The following ATP8A2 variants were observed in gnomAD, a reference collection of about 807,000 sequenced individuals.
The protein encoded by ATP8A2 is phospholipid-transporting ATPase IB.
ATP8A2 carries 100 observed loss-of-function variants against 165.6 expected under a neutral mutation model. That is an observed-to-expected ratio of 0.60 (90% CI 0.51 to 0.71). ATP8A2 has a LOEUF of 0.71. Ranked by LOEUF, ATP8A2 falls within the 30% of genes least tolerant of loss-of-function variation. The probability of loss-of-function intolerance (pLI) is 0.00; values close to 1 mark genes in which losing one functional copy is unlikely to be tolerated. For missense variants in ATP8A2, 1,227 were observed against 1,479.5 expected, an observed-to-expected ratio of 0.83 and a Z score of 2.80; for synonymous variants, 543 against 548.8, an observed-to-expected ratio of 0.99 and a Z score of 0.15.
Position 25,503,393 on chromosome 13 carries a change from T to A in ATP8A2, c.222-26606T>A, listed in dbSNP as rs145015128. On this transcript the variant is annotated intron_variant, in intron 2 of 36. Coordinates refer to ENST00000381655, the MANE Select transcript of ATP8A2 (RefSeq NM_016529.6). ...AAAGGGTGGTCGGCATGCTGACAAG[T>A]AATGACACCATGAAGCAGCGTTCAT... 1.6e-3 allele frequency among the ~76,000 whole-genome samples: 243 copies of A among 152,226 alleles called. 1 individual carries two copies. Among genetic ancestry groups the A allele is most frequent in the Non-Finnish European group, 2.8e-3 (192 of 67,998 alleles).
At chr13:25,755,489 G>A (rs965620680) in intron 25 of ATP8A2, among the ~76,000 whole-genome samples, 3 of 152,250 alleles carry the variant, frequency 2.0e-5, no homozygotes, top group South Asian at 2.1e-4. Flanking sequence ...GAATGTAGGG[G>A]CAATTTAAAA....
intron 33 of ATP8A2, among the ~76,000 whole-genome samples, chr13:25,906,137 C>G (rs1953929416): frequency 6.6e-6 from 1 of 152,084 alleles, no homozygotes; most frequent in South Asian, 2.1e-4. Context: ...AGATTTCTAT[C>G]TTTTTGTCAT....
intron 24 of ATP8A2, among the ~76,000 whole-genome samples, chr13:25,642,884 TA>T (rs35986221): frequency 1.3e-3 from 201 of 152,192 alleles, no homozygotes; most frequent in African/African-American, 4.5e-3. Flanking sequence ...TATGCAGCCA[TA>T]AAAAAGGGTG....
chr13:25,650,576 C>T (rs2041788374), intron 24 of ATP8A2, among the ~76,000 whole-genome samples: 1 of 152,088 alleles, frequency 6.6e-6, no homozygotes. Flanking sequence ...AGTGTTGGGG[C>T]CAAACAGAAG....
intron 25 of ATP8A2, among the ~76,000 whole-genome samples, chr13:25,722,660 G>GTTAA (rs10643028): frequency 0.1 from 15,629 of 152,074 alleles, 942 homozygotes; most frequent in African/African-American, 0.17. Flanking sequence ...CTGTATGTTA[G>GTTAA]TTGTCTATTT....
rs541821643 is a variant in ATP8A2, at chr13:25,586,607, A to C, written c.2147-3028A>C. On this transcript the variant is annotated intron_variant, in intron 23 of 36. Coordinates refer to ENST00000381655, the MANE Select transcript of ATP8A2 (RefSeq NM_016529.6). ...GTCTGCCAGTGTTTTTCATACAGGC[A>C]AACACTGACTGACCAGATTCTCTGT... Among the ~76,000 whole-genome samples, 22 of 152,324 alleles carry C rather than the reference A, an allele frequency of 1.4e-4. No homozygotes were observed. In the East Asian group the frequency reaches 3.9e-3, roughly 27 times the overall value.
At chr13:25,809,648 G>A (rs904160502) in intron 27 of ATP8A2, among the ~76,000 whole-genome samples, 1 of 152,162 alleles carries the variant, frequency 6.6e-6, no homozygotes, top group East Asian at 1.9e-4. Flanking sequence ...CCTTTTGAAA[G>A]GTTGGTGGGT....
intron 2 of ATP8A2, among the ~76,000 whole-genome samples, chr13:25,491,813 G>C (rs2036535411): frequency 6.6e-6 from 1 of 152,196 alleles, no homozygotes; most frequent in African/African-American, 2.4e-5. Context: ...AAGAAAATAT[G>C]ACATTAGTGG....
intron 34 of ATP8A2, among the ~76,000 whole-genome samples, chr13:25,965,708 T>G (rs61947422): frequency 0.053 from 8,111 of 152,256 alleles, 234 homozygotes; most frequent in East Asian, 0.11. Flanking sequence ...TAATACAAGC[T>G]CAAGGCCACT....
chr13:25,884,973 G>A (rs1054737680), intron 33 of ATP8A2, among the ~76,000 whole-genome samples: 3 of 152,096 alleles, frequency 2.0e-5, no homozygotes, highest in Non-Finnish European at 2.9e-5. Flanking sequence ...GCTTGATGCT[G>A]TGCCCTTGCC....
intron 2 of ATP8A2, among the ~76,000 whole-genome samples, chr13:25,490,130 A>G (rs1442420852): frequency 6.6e-6 from 1 of 152,214 alleles, no homozygotes; most frequent in African/African-American, 2.4e-5. Context: ...GTAGTAGAGA[A>G]CACACATGTT....
chr13:25,438,027 T>C (rs1020014811), intron 1 of ATP8A2, among the ~76,000 whole-genome samples: 3 of 152,214 alleles, frequency 2.0e-5, no homozygotes, highest in Admixed American at 2.0e-4. Context: ...TTACAAACTA[T>C]GTTCATAATT....
At chr13:26,006,316 A>G (rs529852616) in intron 35 of ATP8A2, among the ~76,000 whole-genome samples, 7 of 151,978 alleles carry the variant, frequency 4.6e-5, no homozygotes, top group South Asian at 2.1e-4. Context: ...CAGATTGTAC[A>G]TTGCTATTAT....
intron 30 of ATP8A2, among the ~76,000 whole-genome samples, chr13:25,841,823 T>G (rs963348086): frequency 1.3e-5 from 2 of 152,218 alleles, no homozygotes; most frequent in African/African-American, 4.8e-5. Context: ...ATTTGGCTCA[T>G]GATTCTGGAG....
In ATP8A2 at chr13:25,549,131, T is replaced by G. The variant is rs1281692360; in HGVS notation, c.892-2207T>G. On this transcript the variant is annotated intron_variant, in intron 10 of 36. Coordinates refer to ENST00000381655, the MANE Select transcript of ATP8A2 (RefSeq NM_016529.6). ...GGTTAGTGCCTTACAAACTCTCAGA[T>G]TATCCAAACTTGGCAAATTGGTGTT... Among the ~76,000 whole-genome samples the G allele has an allele frequency of 3.3e-5, 5 of 152,110 alleles. No homozygotes were observed. In the East Asian group the frequency reaches 9.7e-4, roughly 29 times the overall value.
chr13:25,951,819 CCA>C (rs1955372882), intron 33 of ATP8A2, among the ~76,000 whole-genome samples: 1 of 152,126 alleles, frequency 6.6e-6, no homozygotes, highest in African/African-American at 2.4e-5. Context: ...CTGATACCGC[CCA>C]CTGTCAAAGT....
chr13:25,730,843 A>G (rs758494509), intron 25 of ATP8A2, among the ~76,000 whole-genome samples: 17 of 152,102 alleles, frequency 1.1e-4, no homozygotes, highest in Non-Finnish European at 1.5e-5. Flanking sequence ...TGGGAGGCCA[A>G]GACAGGAGAA....
Position 25,612,513 on chromosome 13 carries a change from T to G in ATP8A2, c.2211+22814T>G, listed in dbSNP as rs1161152905. Among the ~76,000 whole-genome samples, 3 of 152,192 alleles carry G rather than the reference T, an allele frequency of 2.0e-5. No homozygotes were observed. The East Asian group carries it at 5.8e-4, about 29-fold the overall frequency. ...GCCTGAGAGAGTACTTGATATAGTT[T>G]CAGTTTTCTTAAATTTACTGATACT... On this transcript the variant is annotated intron_variant, in intron 24 of 36. Transcript: ENST00000381655.
chr13:25,862,105 T>C (rs1952373145), intron 32 of ATP8A2, among the ~76,000 whole-genome samples, 196 bp from the exon 33 acceptor site: 1 of 152,090 alleles, frequency 6.6e-6, no homozygotes, highest in Admixed American at 6.5e-5. Context: ...TTGGGGCCAT[T>C]CATTACTTGA....
Sources: allele counts gnomAD v4.1 joint callset (sites outside exome capture counted in the v4.1 genomes callset), GRCh38; gene constraint gnomAD v4.1.1; transcripts MANE v1.5; gene names NCBI Gene and HGNC (gene_info 2026-07-23, HGNC 2026-07-21).